The following PLEKHO2 variants were observed in gnomAD, a reference collection of about 807,000 sequenced individuals.
PLEKHO2 encodes pleckstrin homology domain-containing family O member 2.
PLEKHO2 carries 20 observed loss-of-function variants against 32.7 expected under a neutral mutation model. The ratio of observed to expected loss-of-function variants is 0.61; its 90% confidence interval spans 0.43 to 0.89. The LOEUF is 0.89. Ranked by LOEUF, PLEKHO2 falls within the 40% of genes least tolerant of loss-of-function variation. PLEKHO2 has a pLI of 0.00. For synonymous variants in PLEKHO2, 247 were observed against 246.3 expected (o/e 1.00, Z -0.03); for missense variants, 568 against 621.2 (o/e 0.91, Z 0.91).
chr15:64,864,896 C>T lies in PLEKHO2; in HGVS notation c.484-3C>T, dbSNP rs2140346859. ...GACACCCATATACCATCCCCCCCACCAGGTGGCCAGTGCAGCTTCTGACGG... is the reference window on the plus strand; with the variant it reads ...GACACCCATATACCATCCCCCCCACTAGGTGGCCAGTGCAGCTTCTGACGG... On this transcript the variant is annotated splice_polypyrimidine_tract_variant and splice_region_variant and intron_variant, in intron 5 of 5. Coordinates refer to ENST00000323544, the MANE Select transcript of PLEKHO2 (RefSeq NM_025201.5). The T allele has an allele frequency of 6.3e-7, 1 of 1,586,848 alleles. No individual in the cohort carries two copies. The highest frequency in any genetic ancestry group is 8.6e-7 in the Non-Finnish European group (1 of 1,164,832).
chr15:64,863,446 G>A (rs985102961), intron 5 of PLEKHO2, among the ~76,000 whole-genome samples: 10 of 152,048 alleles, frequency 6.6e-5, no homozygotes, highest in Non-Finnish European at 1.2e-4. Flanking sequence ...GGGGACGGAT[G>A]TAGGGAGGGC....
At chr15:64,850,486 C>T (rs1022922459) in intron 2 of PLEKHO2, among the ~76,000 whole-genome samples, 1 of 152,334 alleles carries the variant, frequency 6.6e-6, no homozygotes, top group South Asian at 2.1e-4. Context: ...TAAATAAAAT[C>T]TTTCCCTGGT....
chr15:64,856,109 C>T (rs1410811398), intron 3 of PLEKHO2, among the ~76,000 whole-genome samples: 3 of 152,094 alleles, frequency 2.0e-5, no homozygotes, highest in Non-Finnish European at 4.4e-5. Flanking sequence ...TATGAGGGCT[C>T]ATGGGACTGG....
chr15:64,860,622 G>A (rs2140344562), intron 4 of PLEKHO2, among the ~76,000 whole-genome samples: 1 of 152,298 alleles, frequency 6.6e-6, no homozygotes, highest in South Asian at 2.1e-4. Context: ...TGATGCCTTG[G>A]ATTATGTCAA....
intron 5 of PLEKHO2, among the ~76,000 whole-genome samples, chr15:64,861,944 G>A (rs906710488): frequency 4.6e-5 from 7 of 152,094 alleles, no homozygotes; most frequent in African/African-American, 1.2e-4. Context: ...ATTTTTGTGC[G>A]GAGGAAGGAA....
rs2084679115 is a variant in PLEKHO2, at chr15:64,865,666, G to A, written c.1251G>A (p.Lys417=). 1.2e-6 allele frequency: 2 copies of A among 1,614,236 alleles called. No individual in the cohort carries two copies. Among genetic ancestry groups the A allele is most frequent in the Middle Eastern group, 1.6e-4 (1 of 6,062 alleles). The change falls in exon 6 of 6, where the codon AAG becomes AAA. Residue 417 remains lysine (K), a synonymous_variant. Transcript: ENST00000323544. ...TATATCGGGCCCAGCTGGAGGTGAA[G>A]GTGGCCTCGGAACAGACGGAGAAAC... ...ERLYRAQLEV[K]VASEQTEKLL... is the part of the protein sequence containing the mutation.
At chr15:64,855,583 A>C (rs550251126) in intron 3 of PLEKHO2, among the ~76,000 whole-genome samples, 1 of 152,186 alleles carries the variant, frequency 6.6e-6, no homozygotes, top group Non-Finnish European at 1.5e-5. Flanking sequence ...TAGCTGGGGA[A>C]GGTCCCTGGC....
chr15:64,859,518 A>G (rs564566980), intron 3 of PLEKHO2, among the ~76,000 whole-genome samples: 4 of 152,286 alleles, frequency 2.6e-5, no homozygotes, highest in African/African-American at 7.2e-5. Flanking sequence ...CAGAGCTCCT[A>G]CCTGAATTGG....
rs2084681736 is a variant in PLEKHO2, at chr15:64,865,820, C to G, written c.1405C>G (p.Gln469Glu). Residue 469 changes from glutamine to glutamate, a missense_variant, in exon 6 of 6, where the codon CAG becomes GAG. Transcript: ENST00000323544. Reference protein sequence around the residue: ...QEMRDLGELSQEAPGLREKRK... With the variant: ...QEMRDLGELSEEAPGLREKRK... ...AATGAGAGATTTGGGAGAGCTGAGC[C>G]AGGAAGCACCTGGGCTAAGGGAGAA... 1.2e-6 allele frequency: 2 copies of G among 1,613,450 alleles called. No individual in the cohort carries two copies. The highest frequency in any genetic ancestry group is 2.7e-5 in the African/African-American group (2 of 75,050).
chr15:64,858,926 A>C (rs1190734053), intron 3 of PLEKHO2, among the ~76,000 whole-genome samples: 2 of 152,038 alleles, frequency 1.3e-5, no homozygotes, highest in Non-Finnish European at 2.9e-5. Flanking sequence ...ATAATGCCCC[A>C]TTGCCCCTCT....
Position 64,865,571 on chromosome 15 carries a change from C to G in PLEKHO2, c.1156C>G (p.Pro386Ala), listed in dbSNP as rs1388479607. 1.2e-6 allele frequency: 2 copies of G among 1,614,106 alleles called. No homozygotes were observed. The highest frequency in any genetic ancestry group is 1.7e-6 in the Non-Finnish European group (2 of 1,180,034). Reference sequence around the variant, plus strand: ...CTGGGACCTGCCACCTCAGTTCCATCCCCGCTGCTCCTCCCTTGGGGACTT... The same window carrying G: ...CTGGGACCTGCCACCTCAGTTCCATGCCCGCTGCTCCTCCCTTGGGGACTT... The part of the protein sequence containing the change: ...PPWDLPPQFH[P>A]RCSSLGDLLG... Residue 386 changes from proline to alanine, a missense_variant, in exon 6 of 6, where the codon CCC (proline) becomes GCC (alanine). By Grantham distance (27) the Pro-to-Ala change is conservative. Coordinates refer to ENST00000323544, the MANE Select transcript of PLEKHO2 (RefSeq NM_025201.5).
intron 5 of PLEKHO2, among the ~76,000 whole-genome samples, chr15:64,863,502 G>A (rs887329226): frequency 1.5e-5 from 2 of 136,208 alleles, no homozygotes; most frequent in East Asian, 4.4e-4. Flanking sequence ...TCAGGGAGGC[G>A]CTGTGTGTGT....
In PLEKHO2 at chr15:64,865,634, G is replaced by T. The variant is rs1164289399; in HGVS notation, c.1219G>T (p.Glu407Ter). The change falls in exon 6 of 6, where the codon GAA (glutamate) becomes TAA (stop). Residue 407 changes from glutamate (E) to a stop codon, truncating the protein, a stop_gained. Coordinates refer to ENST00000323544, the MANE Select transcript of PLEKHO2 (RefSeq NM_025201.5). LOFTEE classifies it high-confidence loss of function. ...EGPRHPLQPR[E>*]RLYRAQLEVK... ...CCCGCGGCATCCCTTGCAGCCCAGG[G>T]AACGGCTATATCGGGCCCAGCTGGA... The T allele has an allele frequency of 2.5e-6, 4 of 1,614,244 alleles. No individual in the cohort carries two copies. Among genetic ancestry groups the T allele is most frequent in the Middle Eastern group, 3.3e-4 (2 of 6,062 alleles).
intron 2 of PLEKHO2, among the ~76,000 whole-genome samples, chr15:64,852,712 C>T (rs568485706): frequency 2.7e-4 from 41 of 152,026 alleles, no homozygotes; most frequent in Admixed American, 2.5e-3. Context: ...CCTCCGCCTC[C>T]TGGGTTCAAG....
chr15:64,848,493 G>A (rs2084539779), intron 1 of PLEKHO2, 100 bp from the exon 2 acceptor site: 1 of 1,362,034 alleles, frequency 7.3e-7, no homozygotes, highest in Non-Finnish European at 1.0e-6. Context: ...ATGTCATTAG[G>A]TACTTAGCCT....
chr15:64,865,366 A>G lies in PLEKHO2; in HGVS notation c.951A>G (p.Leu317=), dbSNP rs537097647. 2 of 1,613,706 alleles carry G rather than the reference A, an allele frequency of 1.2e-6. No homozygotes were observed. Among genetic ancestry groups the G allele is most frequent in the Non-Finnish European group, 1.7e-6 (2 of 1,179,722 alleles). The change falls in exon 6 of 6, where the codon TTA becomes TTG. Residue 317 remains leucine, a synonymous_variant. Coordinates refer to ENST00000323544, the MANE Select transcript of PLEKHO2 (RefSeq NM_025201.5). Reference sequence around the variant, plus strand: ...CCCCTACACCCCCACCCAAGATCTTATCAGAGAAACTGAAAGCCTCCATGG... The same window carrying G: ...CCCCTACACCCCCACCCAAGATCTTGTCAGAGAAACTGAAAGCCTCCATGG... ...GKPPTPPPKI[L]SEKLKASMGE... is the part of the protein sequence containing the mutation.
At chr15:64,848,773 G>A in intron 2 of PLEKHO2, 31 bp downstream of exon 2, 1 of 1,612,906 alleles carries the variant, frequency 6.2e-7, no homozygotes, top group Non-Finnish European at 8.5e-7. Flanking sequence ...GAGATTGGGG[G>A]TTCTGGGACA....
chr15:64,844,054 C>T (rs959903526), intron 1 of PLEKHO2, among the ~76,000 whole-genome samples: 2 of 152,238 alleles, frequency 1.3e-5, no homozygotes. Flanking sequence ...CTCCCAGTAG[C>T]TTCCGCTTGT....
intron 5 of PLEKHO2, 73 bp downstream of exon 5, chr15:64,861,648 G>C (rs2084642935): frequency 2.2e-5 from 28 of 1,285,386 alleles, no homozygotes; most frequent in Non-Finnish European, 2.9e-5. Context: ...CGGCAGCCAG[G>C]CTTGGGGCCA....
Sources: gnomAD v4.1 joint callset for allele counts (sites outside exome capture counted in the v4.1 genomes callset) on GRCh38, gnomAD v4.1.1 for gene constraint, MANE v1.5 for transcripts, NCBI Gene and HGNC (gene_info 2026-07-23, HGNC 2026-07-21) for gene names.